The following AKT3 variants were observed in gnomAD, a reference collection of about 807,000 sequenced individuals.
The protein encoded by AKT3 is RAC-gamma serine/threonine-protein kinase.
In AKT3, 15 loss-of-function variants were observed where a neutral mutation model predicts 65.3. That is an observed-to-expected ratio of 0.23 (90% CI 0.15 to 0.35). The LOEUF (loss-of-function observed/expected upper bound fraction) is 0.35, where lower values mean the gene tolerates loss of function less well. Ranked by LOEUF, AKT3 falls within the 10% of genes least tolerant of loss-of-function variation. The pLI, the probability that AKT3 is intolerant of heterozygous loss-of-function variation, is 1.00. For missense variants in AKT3, 243 were observed against 576.5 expected, an observed-to-expected ratio of 0.42 and a Z score of 5.92; for synonymous variants, 206 against 183.8, an observed-to-expected ratio of 1.12 and a Z score of -0.98.
At chr1:243,616,554 C>T (rs1484863817) in intron 6 of AKT3, among the ~76,000 whole-genome samples, 1 of 152,044 alleles carries the variant, frequency 6.6e-6, no homozygotes, top group Non-Finnish European at 1.5e-5. Flanking sequence ...ACTGCTGAAA[C>T]GAACACAGCA....
In AKT3 at chr1:243,685,402, C is replaced by T. The variant is rs541966849; in HGVS notation, c.172+10189G>A. On this transcript the variant is annotated intron_variant, in intron 3 of 13. Coordinates refer to ENST00000673466, the MANE Select transcript of AKT3 (RefSeq NM_005465.7). The stretch of plus-strand genomic sequence containing the variant: ...GTTTCAGTTTTCTGCATATGGCTAG[C>T]CAGTTTTCCCAACACCATTTATTAA... Among the ~76,000 whole-genome samples the T allele has an allele frequency of 1.1e-3, 164 of 152,240 alleles. 1 individual carries two copies. The highest frequency in any genetic ancestry group is 3.9e-3 in the African/African-American group (161 of 41,548).
At chr1:243,831,894 G>T (rs1401849821) in intron 2 of AKT3, among the ~76,000 whole-genome samples, 1 of 151,464 alleles carries the variant, frequency 6.6e-6, no homozygotes, top group Non-Finnish European at 1.5e-5. Context: ...AAGTATCTAA[G>T]ATCAGCAAAA....
intron 8 of AKT3, among the ~76,000 whole-genome samples, chr1:243,604,949 G>C (rs1353023919): frequency 6.6e-6 from 1 of 152,128 alleles, no homozygotes; most frequent in East Asian, 1.9e-4. Context: ...TTACACTGGA[G>C]ACCAACATAC....
intron 2 of AKT3, among the ~76,000 whole-genome samples, chr1:243,709,749 AC>A (rs1225986740): frequency 5.3e-5 from 8 of 152,128 alleles, no homozygotes; most frequent in African/African-American, 1.9e-4. Context: ...ATATATACTT[AC>A]GTTTAAATAT....
At chr1:243,846,274 T>C (rs954134869) in intron 1 of AKT3, among the ~76,000 whole-genome samples, 11 of 152,282 alleles carry the variant, frequency 7.2e-5, no homozygotes, top group Admixed American at 3.3e-4. Flanking sequence ...GATTCCAATA[T>C]ACATGTAAAA....
rs552103740 is a variant in AKT3, at chr1:243,637,526, T to C, written c.561+85A>G. ...TTTTGGTTGTTTAATGGAATTTGCA[T>C]ACATTAGCATGTAAATTCATGAGCC... On this transcript the variant is annotated intron_variant, in intron 6 of 13. Transcript: ENST00000673466. The C allele has an allele frequency of 6.1e-5, 74 of 1,206,362 alleles. No homozygotes were observed. In the African/African-American group the frequency reaches 1.1e-3, roughly 17 times the overall value. The allele number at this position is 1,206,362 out of a possible 1,614,324, so 74.7% of individuals were successfully genotyped here. A position where few individuals can be genotyped will look rare whatever the true frequency, so the allele number is the denominator to read the frequency against.
intron 3 of AKT3, among the ~76,000 whole-genome samples, chr1:243,683,161 TCTGAGTTC>T (rs2147981709): frequency 6.6e-6 from 1 of 152,320 alleles, no homozygotes; most frequent in African/African-American, 2.4e-5. Flanking sequence ...ATATAACCAC[TCTGAGTTC>T]CTTTAAAATG....
intron 12 of AKT3, among the ~76,000 whole-genome samples, chr1:243,520,876 C>A (rs2148385703): frequency 6.6e-6 from 1 of 152,286 alleles, no homozygotes; most frequent in East Asian, 1.9e-4. Flanking sequence ...GCTATGAAAT[C>A]ACTCTACCAT....
At chr1:243,781,967 T>G (rs1690943250) in intron 2 of AKT3, among the ~76,000 whole-genome samples, 1 of 152,106 alleles carries the variant, frequency 6.6e-6, no homozygotes, top group Admixed American at 6.6e-5. Flanking sequence ...GGACTACAAG[T>G]GCACACCATC....
chr1:243,826,174 T>G (rs1426406363), intron 2 of AKT3, among the ~76,000 whole-genome samples: 1 of 152,052 alleles, frequency 6.6e-6, no homozygotes, highest in East Asian at 1.9e-4. Flanking sequence ...CTAGTACTCC[T>G]AGGACCAGAC....
At chr1:243,771,247 C>A (rs1572320596) in intron 2 of AKT3, among the ~76,000 whole-genome samples, 1 of 152,122 alleles carries the variant, frequency 6.6e-6, no homozygotes, top group East Asian at 1.9e-4. Flanking sequence ...ACTCTTCCTA[C>A]TACACACCTC....
At chr1:243,715,598 T>C (rs1306409758) in intron 2 of AKT3, among the ~76,000 whole-genome samples, 2 of 152,114 alleles carry the variant, frequency 1.3e-5, no homozygotes, top group Non-Finnish European at 2.9e-5. Context: ...AATGGGATCA[T>C]TCTCTACAAA....
At chr1:243,679,352 T>C (rs990210754) in intron 3 of AKT3, among the ~76,000 whole-genome samples, 1 of 152,230 alleles carries the variant, frequency 6.6e-6, no homozygotes, top group Non-Finnish European at 1.5e-5. Context: ...TTTCTAGTTT[T>C]ATGTGAATAA....
chr1:243,698,803 A>G (rs1289635323), intron 2 of AKT3, among the ~76,000 whole-genome samples: 2 of 152,078 alleles, frequency 1.3e-5, no homozygotes, highest in Non-Finnish European at 2.9e-5. Context: ...CAAACTTCCA[A>G]TAAAGACTAC....
At chr1:243,822,876 T>C (rs1473277354) in intron 2 of AKT3, among the ~76,000 whole-genome samples, 1 of 152,172 alleles carries the variant, frequency 6.6e-6, no homozygotes, top group African/African-American at 2.4e-5. Flanking sequence ...TATCACTTCT[T>C]CTGAAACTAT....
At chr1:243,764,346 T>A (rs981088543) in intron 2 of AKT3, among the ~76,000 whole-genome samples, 8 of 152,034 alleles carry the variant, frequency 5.3e-5, no homozygotes, top group Admixed American at 1.3e-4. Context: ...AAATAATGAA[T>A]CCTTATGGGA....
intron 2 of AKT3, among the ~76,000 whole-genome samples, chr1:243,705,145 T>C (rs925004533): frequency 2.0e-5 from 3 of 152,222 alleles, no homozygotes; most frequent in African/African-American, 7.2e-5. Flanking sequence ...CATGAACTTG[T>C]CATTTTTACA....
intron 6 of AKT3, among the ~76,000 whole-genome samples, chr1:243,633,944 A>G (rs1380772824): frequency 1.3e-5 from 2 of 152,116 alleles, no homozygotes; most frequent in Non-Finnish European, 2.9e-5. Context: ...ATGAAAATAT[A>G]GCAGTTCCCC....
chr1:243,783,442 G>A (rs1182118360), intron 2 of AKT3, among the ~76,000 whole-genome samples: 2 of 152,262 alleles, frequency 1.3e-5, no homozygotes, highest in East Asian at 1.9e-4. Flanking sequence ...TCTGTGCTCA[G>A]GCCCCTTCTG....
Sources: allele counts gnomAD v4.1 joint callset (sites outside exome capture counted in the v4.1 genomes callset), GRCh38; gene constraint gnomAD v4.1.1; transcripts MANE v1.5; gene names NCBI Gene and HGNC (gene_info 2026-07-23, HGNC 2026-07-21).